Variants in SEL1L2 observed in about 807,000 individuals in gnomAD.
SEL1L2 encodes protein sel-1 homolog 2.
In SEL1L2, 89 loss-of-function variants were observed where a neutral mutation model predicts 98.8. That is an observed-to-expected ratio of 0.90 (90% CI 0.76 to 1.07). The LOEUF is 1.07. SEL1L2 is among the 50% of genes least tolerant of loss of function. The pLI is 0.00. For synonymous variants in SEL1L2, 262 were observed against 278.5 expected (o/e 0.94, Z 0.59); for missense variants, 788 against 812.0 (o/e 0.97, Z 0.36).
chr20:13,907,700 C>CTCTTTCTTTCTTTCTTTCTT (rs10665105), intron 5 of SEL1L2, among the ~76,000 whole-genome samples: 49 of 125,654 alleles, frequency 3.9e-4, no homozygotes, highest in East Asian at 1.1e-3. Flanking sequence ...TTCTTTCTTT[C>CTCTTTCTTTCTTTCTTTCTT]TCTTTCTTTC....
chr20:13,850,287 C>T lies in SEL1L2; in HGVS notation c.1851G>A (p.Met617Ile), dbSNP rs765534191. 9.9e-6 allele frequency: 16 copies of T among 1,613,956 alleles called. 1 individual carries two copies. Among genetic ancestry groups the T allele is most frequent in the Middle Eastern group, 1.6e-4 (1 of 6,082 alleles). Residue 617 changes from methionine to isoleucine, a missense_variant, in exon 19 of 20, where the codon ATG (methionine) becomes ATA (isoleucine). Coordinates refer to ENST00000284951, the MANE Select transcript of SEL1L2 (RefSeq NM_025229.2). ...DIHLARRLYDMAAQTSPDAHI... is the reference protein window; with the variant it reads ...DIHLARRLYDIAAQTSPDAHI... ...GGGCATCTGGACTCGTTTGAGCAGC[C>T]ATGTCGTACAATCTTCTGGCCAAGT...
intron 1 of SEL1L2, among the ~76,000 whole-genome samples, chr20:13,978,058 C>G (rs1569077380): frequency 6.6e-6 from 1 of 151,958 alleles, no homozygotes; most frequent in African/African-American, 2.4e-5. Context: ...CAATCTTGAG[C>G]AAAAAGAACA....
intron 2 of SEL1L2, among the ~76,000 whole-genome samples, chr20:13,933,022 A>C (rs1244542012): frequency 6.6e-6 from 1 of 151,982 alleles, no homozygotes; most frequent in Non-Finnish European, 1.5e-5. Context: ...AGCCTGGCCA[A>C]CATGGTGAAA....
chr20:13,873,032 C>T (rs898088792), intron 12 of SEL1L2, among the ~76,000 whole-genome samples: 3 of 151,456 alleles, frequency 2.0e-5, no homozygotes, highest in Admixed American at 6.6e-5. Flanking sequence ...GCTCTATCAC[C>T]CATGCTGGAG....
intron 1 of SEL1L2, among the ~76,000 whole-genome samples, chr20:13,958,732 C>G (rs1011524078): frequency 1.3e-5 from 2 of 151,042 alleles, no homozygotes; most frequent in Non-Finnish European, 2.9e-5. Context: ...GTCAGGAGAT[C>G]GAGACCATCC....
At chr20:13,877,714 A>G (rs978191027) in intron 10 of SEL1L2, 126 bp from the exon 11 acceptor site, 10 of 694,108 alleles carry the variant, frequency 1.4e-5, no homozygotes, top group Non-Finnish European at 2.4e-5. Context: ...GAGCTTAAAA[A>G]AAATCTGTGA....
At chr20:13,900,656 C>T (rs574567534) in intron 5 of SEL1L2, among the ~76,000 whole-genome samples, 50 of 152,298 alleles carry the variant, frequency 3.3e-4, no homozygotes, top group Non-Finnish European at 5.9e-4. Context: ...CGCCGCTGTG[C>T]CTGTGCGGCC....
chr20:13,873,808 A>C (rs553369235), intron 12 of SEL1L2, among the ~76,000 whole-genome samples: 5 of 152,276 alleles, frequency 3.3e-5, no homozygotes, highest in African/African-American at 1.2e-4. Flanking sequence ...TTCTTTGGCA[A>C]ATATTTAATA....
intron 5 of SEL1L2, among the ~76,000 whole-genome samples, chr20:13,895,055 A>T (rs900487284): frequency 1.2e-4 from 19 of 152,204 alleles, no homozygotes; most frequent in Non-Finnish European, 2.5e-4. Flanking sequence ...ATCCTCAACA[A>T]AATACTAGCA....
chr20:13,977,357 GA>G (rs1043386511), intron 1 of SEL1L2, among the ~76,000 whole-genome samples: 1 of 152,204 alleles, frequency 6.6e-6, no homozygotes, highest in Admixed American at 6.5e-5. Context: ...TACAGAGGAA[GA>G]GGGAAAAAGA....
At chr20:13,959,263 C>T (rs183017147) in intron 1 of SEL1L2, among the ~76,000 whole-genome samples, 122 of 152,212 alleles carry the variant, frequency 8.0e-4, no homozygotes, top group Non-Finnish European at 1.2e-3. Context: ...TATATGACAA[C>T]CAGTGATGAC....
At chr20:13,910,602 C>A (rs548928272) in intron 5 of SEL1L2, among the ~76,000 whole-genome samples, 2 of 152,266 alleles carry the variant, frequency 1.3e-5, no homozygotes, top group East Asian at 1.9e-4. Flanking sequence ...CTCAACAATG[C>A]CTCAACAATA....
chr20:13,896,056 T>A (rs925495375), intron 5 of SEL1L2, among the ~76,000 whole-genome samples: 3 of 152,182 alleles, frequency 2.0e-5, no homozygotes, highest in African/African-American at 7.2e-5. Flanking sequence ...GTGCCTGTAA[T>A]TCCAGTTATG....
In SEL1L2 at chr20:13,865,392, C is replaced by T. The variant is rs745990526; in HGVS notation, c.1527G>A (p.Gly509=). 1.2e-6 allele frequency: 2 copies of T among 1,613,910 alleles called. No homozygotes were observed. Among genetic ancestry groups the T allele is most frequent in the East Asian group, 2.2e-5 (1 of 44,880 alleles). ...CTGAATTGCTTTGAGCTACTTCATACCCCATTTCTGCAAGCAGTGCATACT... is the reference window on the plus strand; with the variant it reads ...CTGAATTGCTTTGAGCTACTTCATATCCCATTTCTGCAAGCAGTGCATACT... ...LVQYALLAEM[G]YEVAQSNSAF... Residue 509 remains glycine, a synonymous_variant, in exon 16 of 20, where the codon GGG becomes GGA. Transcript: ENST00000284951.
At chr20:13,951,134 G>T (rs999011059) in intron 2 of SEL1L2, among the ~76,000 whole-genome samples, 1 of 151,498 alleles carries the variant, frequency 6.6e-6, no homozygotes, top group Non-Finnish European at 1.5e-5. Context: ...AAAATTAGCC[G>T]GGTGTGGTGG....
At chr20:13,939,062 G>C (rs1396225576) in intron 2 of SEL1L2, among the ~76,000 whole-genome samples, 1 of 55,442 alleles carries the variant, frequency 1.8e-5, no homozygotes, top group Non-Finnish European at 3.6e-5. Context: ...TTTTTTTTCT[G>C]AGATGGAGTC....
chr20:13,939,738 C>G (rs1201556359), intron 2 of SEL1L2, among the ~76,000 whole-genome samples: 2 of 144,850 alleles, frequency 1.4e-5, no homozygotes, highest in South Asian at 2.1e-4. Flanking sequence ...ATGGTCTCAG[C>G]TCACTGTAAC....
At chr20:13,882,896 A>C (rs1346681924) in intron 10 of SEL1L2, among the ~76,000 whole-genome samples, 2 of 141,306 alleles carry the variant, frequency 1.4e-5, no homozygotes, top group African/African-American at 5.3e-5. Context: ...GGCTCACTGC[A>C]AGCTCCGCCT....
chr20:13,944,312 C>A (rs1318924460), intron 2 of SEL1L2, among the ~76,000 whole-genome samples: 1 of 152,022 alleles, frequency 6.6e-6, no homozygotes, highest in Non-Finnish European at 1.5e-5. Flanking sequence ...CAATACATAC[C>A]GTGAGGTGAA....
Sources: allele counts gnomAD v4.1 joint callset (sites outside exome capture counted in the v4.1 genomes callset), GRCh38; gene constraint gnomAD v4.1.1; transcripts MANE v1.5; gene names NCBI Gene and HGNC (gene_info 2026-07-23, HGNC 2026-07-21).